The following MAGI3 variants were observed in gnomAD, a reference collection of about 807,000 sequenced individuals.
The protein encoded by MAGI3 is membrane associated guanylate kinase, WW and PDZ domain containing 3, also known as membrane-associated guanylate kinase, WW and PDZ domain-containing protein 3.
Under a neutral mutation model 121.8 loss-of-function variants are expected in MAGI3, and 43 were observed. That is an observed-to-expected ratio of 0.35 (90% confidence interval 0.28 to 0.46). The LOEUF (loss-of-function observed/expected upper bound fraction) is 0.46. MAGI3 is among the 20% of genes least tolerant of loss of function. MAGI3 has a pLI of 1.00. For synonymous variants in MAGI3, 553 were observed against 639.3 expected (o/e 0.86, Z 2.04); for missense variants, 1,547 against 1,797.3 (o/e 0.86, Z 2.52).
chr1:113,532,160 C>T (rs944372163), intron 1 of MAGI3, among the ~76,000 whole-genome samples: 2 of 152,070 alleles, frequency 1.3e-5, no homozygotes, highest in African/African-American at 2.4e-5. Context: ...ATAATTATCA[C>T]ATAAATATAG....
At chr1:113,508,193 A>G (rs1312451223) in intron 1 of MAGI3, among the ~76,000 whole-genome samples, 2 of 152,250 alleles carry the variant, frequency 1.3e-5, no homozygotes, top group East Asian at 3.8e-4. Flanking sequence ...TAAATTTATG[A>G]AAAAGTGCAA....
At chr1:113,662,870 G>C in intron 16 of MAGI3, among the ~76,000 whole-genome samples, 1 of 152,024 alleles carries the variant, frequency 6.6e-6, no homozygotes, top group East Asian at 1.9e-4. Flanking sequence ...ACATTTAGCT[G>C]TTGTCTTTTT....
At chr1:113,562,059 G>A (rs919292116) in intron 2 of MAGI3, among the ~76,000 whole-genome samples, 3 of 152,194 alleles carry the variant, frequency 2.0e-5, no homozygotes, top group African/African-American at 7.2e-5. Context: ...CAGCTAACAA[G>A]GGAAGTGAAT....
chr1:113,453,993 T>C (rs575411565), intron 1 of MAGI3, among the ~76,000 whole-genome samples: 1 of 152,364 alleles, frequency 6.6e-6, no homozygotes, highest in South Asian at 2.1e-4. Context: ...ATAATTATGC[T>C]GACCCTTTTC....
intron 1 of MAGI3, among the ~76,000 whole-genome samples, chr1:113,417,747 G>C (rs1453662167): frequency 2.0e-5 from 3 of 151,874 alleles, no homozygotes; most frequent in Non-Finnish European, 4.4e-5. Flanking sequence ...ATAGTTACTT[G>C]TCTGTCCCGT....
At chr1:113,426,063 C>T (rs1010047351) in intron 1 of MAGI3, among the ~76,000 whole-genome samples, 1 of 152,122 alleles carries the variant, frequency 6.6e-6, no homozygotes, top group Non-Finnish European at 1.5e-5. Flanking sequence ...GTCAGCACTG[C>T]TTTAGCTACA....
At chr1:113,559,436 T>G (rs1660131828) in intron 2 of MAGI3, among the ~76,000 whole-genome samples, 2 of 152,174 alleles carry the variant, frequency 1.3e-5, no homozygotes, top group South Asian at 4.1e-4. Flanking sequence ...AAAATAGACT[T>G]TAAACTAACA....
rs1557745297 is a variant in MAGI3, at chr1:113,416,465, A to ATAT, written c.316+25118_316+25119insTTA. On this transcript the variant is annotated intron_variant, in intron 1 of 20. Transcript: ENST00000307546. ...TATATGATTTATATATTAATTATATATAATTTATAAATATATTAATTATAT... is the reference window on the plus strand; with the variant it reads ...TATATGATTTATATATTAATTATATATATTAATTTATAAATATATTAATTATAT... Among the ~76,000 whole-genome samples the ATAT allele has an allele frequency of 5.2e-3, 58 of 11,128 alleles. 23 individuals are homozygous for ATAT. Among genetic ancestry groups the ATAT allele is most frequent in the Non-Finnish European group, 2.4e-3 (13 of 5,372 alleles). 7.3% of individuals were successfully genotyped at this position (11,128 alleles called of 152,430 possible).
chr1:113,508,832 T>A (rs543246118), intron 1 of MAGI3, among the ~76,000 whole-genome samples: 47 of 151,710 alleles, frequency 3.1e-4, no homozygotes, highest in East Asian at 2.7e-3. Context: ...TTGATTTTTT[T>A]AAAAAAAAAA....
chr1:113,537,228 G>A (rs1013853133), intron 1 of MAGI3, among the ~76,000 whole-genome samples: 17 of 152,086 alleles, frequency 1.1e-4, no homozygotes, highest in African/African-American at 3.1e-4. Context: ...CTTTATCTCC[G>A]TTTCTCTATG....
In MAGI3 at chr1:113,683,008, T is replaced by C. The variant is rs1648310167; in HGVS notation, c.3440T>C (p.Val1147Ala). 6.2e-7 allele frequency: 1 copy of C among 1,613,958 alleles called. No individual in the cohort carries two copies. The highest frequency in any genetic ancestry group is 8.5e-7 in the Non-Finnish European group (1 of 1,179,860). The change falls in exon 21 of 21, where the codon GTA becomes GCA. Residue 1147 changes from valine to alanine, a missense_variant. By Grantham distance (64) the Val-to-Ala change is moderately conservative (BLOSUM62 0). Transcript: ENST00000307546. ...ATATTTGAAGAGTCTCACGTGCCAG[T>C]AATTGAAGAATCTTTGAGAGTTCAG... ...ASIFEESHVP[V>A]IEESLRVQIC... is the part of the protein sequence containing the mutation.
At chr1:113,407,979 T>G (rs572215003) in intron 1 of MAGI3, among the ~76,000 whole-genome samples, 1 of 152,228 alleles carries the variant, frequency 6.6e-6, no homozygotes, top group African/African-American at 2.4e-5. Context: ...AATTGGAACA[T>G]TTTCAGATGT....
chr1:113,600,762 A>G (rs1344460003), intron 6 of MAGI3, among the ~76,000 whole-genome samples: 2 of 152,210 alleles, frequency 1.3e-5, no homozygotes, highest in African/African-American at 4.8e-5. Context: ...CCGCATTGCC[A>G]AGTCAATCCT....
At chr1:113,450,232 G>T in intron 1 of MAGI3, 12 of 1,598,182 alleles carry the variant, frequency 7.5e-6, no homozygotes, top group South Asian at 2.2e-5. Flanking sequence ...AGTGAAAAAG[G>T]CCCTTTCTAA....
At chr1:113,564,913 G>A (rs942712014) in intron 2 of MAGI3, among the ~76,000 whole-genome samples, 2 of 151,726 alleles carry the variant, frequency 1.3e-5, no homozygotes, top group African/African-American at 2.4e-5. Flanking sequence ...ACAGTGGCAC[G>A]ATCTCAGCTC....
intron 1 of MAGI3, among the ~76,000 whole-genome samples, chr1:113,489,852 A>G (rs1656585959): frequency 6.6e-6 from 1 of 152,130 alleles, no homozygotes; most frequent in African/African-American, 2.4e-5. Flanking sequence ...AAAGAATGAA[A>G]AGGAAGGAAC....
chr1:113,649,067 A>G (rs1196643032), intron 12 of MAGI3, among the ~76,000 whole-genome samples, 170 bp from the exon 13 acceptor site: 1 of 152,204 alleles, frequency 6.6e-6, no homozygotes, highest in African/African-American at 2.4e-5. Context: ...GAGGATTTAT[A>G]GTTGAATTGT....
intron 1 of MAGI3, among the ~76,000 whole-genome samples, chr1:113,474,891 T>C (rs934494064): frequency 1.3e-5 from 2 of 152,260 alleles, no homozygotes; most frequent in Non-Finnish European, 2.9e-5. Context: ...TTCTTCCATT[T>C]GTTTGTGTCC....
At chr1:113,473,008 T>C (rs1251588195) in intron 1 of MAGI3, among the ~76,000 whole-genome samples, 1 of 152,228 alleles carries the variant, frequency 6.6e-6, no homozygotes, top group Non-Finnish European at 1.5e-5. Context: ...TATTACGGTA[T>C]TAGCATATTC....
Sources: allele counts gnomAD v4.1 joint callset (sites outside exome capture counted in the v4.1 genomes callset), GRCh38; gene constraint gnomAD v4.1.1; transcripts MANE v1.5; gene names NCBI Gene and HGNC (gene_info 2026-07-23, HGNC 2026-07-21).